The following PLA2G6 variants were observed in gnomAD, a reference collection of about 807,000 sequenced individuals.
PLA2G6 encodes 85/88 kDa calcium-independent phospholipase A2.
Under a neutral mutation model 83.8 loss-of-function variants are expected in PLA2G6, and 62 were observed. The ratio of observed to expected loss-of-function variants is 0.74; its 90% CI spans 0.60 to 0.91. The LOEUF is 0.91. Ranked by LOEUF, PLA2G6 falls within the 40% of genes least tolerant of loss-of-function variation. The probability of loss-of-function intolerance (pLI) is 0.00; values close to 1 mark genes in which losing one functional copy is unlikely to be tolerated. For missense variants in PLA2G6, 944 were observed against 1,102.0 expected (o/e 0.86, Z 2.03); for synonymous variants, 417 against 449.8 (o/e 0.93, Z 0.92).
intron 9 of PLA2G6, chr22:38,127,557 TC>T: frequency 2.6e-6 from 2 of 767,042 alleles, no homozygotes; most frequent in Non-Finnish European, 4.0e-6. Context: ...ACGGTGCCTC[TC>T]CAGAGTTCCA....
intron 3 of PLA2G6, chr22:38,143,579 G>A (rs112213962): frequency 1.3e-5 from 7 of 524,734 alleles, no homozygotes; most frequent in South Asian, 3.8e-5. Flanking sequence ...CACAGAACAC[G>A]GATATCTCAC....
intron 2 of PLA2G6, among the ~76,000 whole-genome samples, chr22:38,166,784 A>G (rs2090231747): frequency 6.6e-6 from 1 of 152,144 alleles, no homozygotes; most frequent in South Asian, 2.1e-4. Flanking sequence ...GCACAGAGAA[A>G]TGAATTGGGA....
chr22:38,178,673 T>G (rs914938724), intron 1 of PLA2G6, among the ~76,000 whole-genome samples: 1 of 152,294 alleles, frequency 6.6e-6, no homozygotes, highest in Admixed American at 6.5e-5. Flanking sequence ...AAGACCGGCC[T>G]GGCCAACATA....
intron 12 of PLA2G6, among the ~76,000 whole-genome samples, chr22:38,119,910 C>T (rs954084405): frequency 6.6e-6 from 1 of 151,566 alleles, no homozygotes; most frequent in African/African-American, 2.4e-5. Context: ...CCACCAAAAC[C>T]AAAACCAAAA....
chr22:38,127,098 AGC>A, intron 9 of PLA2G6: 2 of 1,105,806 alleles, frequency 1.8e-6, no homozygotes, highest in Non-Finnish European at 2.2e-6. Flanking sequence ...CCTGACAAGC[AGC>A]CCAGTCCCCA....
intron 2 of PLA2G6, among the ~76,000 whole-genome samples, chr22:38,167,290 C>T (rs132984): frequency 9.2e-5 from 14 of 151,720 alleles, no homozygotes; most frequent in African/African-American, 2.7e-4. Flanking sequence ...GAATAGCTTA[C>T]GTGTAGCTAA....
At chr22:38,154,719 T>C (rs1329539413) in intron 2 of PLA2G6, among the ~76,000 whole-genome samples, 3 of 152,158 alleles carry the variant, frequency 2.0e-5, no homozygotes, top group Non-Finnish European at 4.4e-5. Flanking sequence ...CTGACGAACA[T>C]CACAAGCATC....
intron 11 of PLA2G6, among the ~76,000 whole-genome samples, chr22:38,122,222 G>T (rs2235346): frequency 0.5 from 76,267 of 151,750 alleles, 19,458 homozygotes; most frequent in South Asian, 0.65. Flanking sequence ...AGTCCTCCCC[G>T]GGCACCTCCA....
rs11570748 is a variant in PLA2G6, at chr22:38,117,362, C to T, written c.1743-1151G>A. 7.7e-3 allele frequency among the ~76,000 whole-genome samples: 1,168 copies of T among 152,214 alleles called. 12 individuals are homozygous for T. Among genetic ancestry groups the T allele is most frequent in the South Asian group, 0.041 (198 of 4,816 alleles). ...AGCTGGGACTACAGGCGCCCGCCAC[C>T]ACGCCCGGCTAATTTTTTGTATTTT... is the stretch of plus-strand genomic sequence containing the variant. On this transcript the variant is annotated intron_variant, in intron 12 of 16. Coordinates refer to ENST00000332509, the MANE Select transcript of PLA2G6 (RefSeq NM_003560.4).
Position 38,135,104 on chromosome 22 carries a change from G to A in PLA2G6, c.798-20C>T, listed in dbSNP as rs752806771. On this transcript the variant is annotated intron_variant, in intron 5 of 16. Coordinates refer to ENST00000332509, the MANE Select transcript of PLA2G6 (RefSeq NM_003560.4). ...GCACACCTGGTGAGAGAGGGGCCCC[G>A]GTTGGTGAGCAGAAGCTAGGGTCTG... 27 of 1,584,264 alleles carry A rather than the reference G, an allele frequency of 1.7e-5. No homozygotes were observed. The highest frequency in any genetic ancestry group is 8.3e-5 in the Admixed American group (5 of 59,954).
chr22:38,179,519 C>T (rs1479874489), intron 1 of PLA2G6, among the ~76,000 whole-genome samples: 1 of 152,178 alleles, frequency 6.6e-6, no homozygotes, highest in Non-Finnish European at 1.5e-5. Context: ...CGCGGTGGCT[C>T]ACACCTGTAA....
chr22:38,168,803 T>A (rs1036962550), intron 2 of PLA2G6, among the ~76,000 whole-genome samples: 1 of 152,076 alleles, frequency 6.6e-6, no homozygotes, highest in African/African-American at 2.4e-5. Context: ...TGAGCCGAGA[T>A]TGCGCCACTG....
In PLA2G6 at chr22:38,170,172, TG is replaced by T. The variant is rs1168370440; in HGVS notation, c.-45-702del. Among the ~76,000 whole-genome samples, 4 of 134,652 alleles carry T rather than the reference TG, an allele frequency of 3.0e-5. No homozygotes were observed. In the East Asian group the frequency reaches 8.9e-4, roughly 30 times the overall value. 88.3% of individuals were successfully genotyped at this position (134,652 alleles called of 152,430 possible). On this transcript the variant is annotated intron_variant, in intron 1 of 16. Coordinates refer to ENST00000332509, the MANE Select transcript of PLA2G6 (RefSeq NM_003560.4). Reference sequence around the variant, plus strand: ...GAGATCGCGCCACTGCACTCCAGCCTGGGCGATAGGGTGACTCTGTCTCAAA... The same window carrying T: ...GAGATCGCGCCACTGCACTCCAGCCTGGCGATAGGGTGACTCTGTCTCAAA...
chr22:38,118,924 G>T (rs1046014093), intron 12 of PLA2G6, among the ~76,000 whole-genome samples: 1 of 151,562 alleles, frequency 6.6e-6, no homozygotes, highest in East Asian at 1.9e-4. Flanking sequence ...CCAGCTAATT[G>T]TTAGTTTTAA....
Position 38,142,495 on chromosome 22 carries a change from G to A in PLA2G6, c.609+610C>T, listed in dbSNP as rs544126977. The A allele has an allele frequency of 1.9e-5, 3 of 159,242 alleles. No individual in the cohort carries two copies. In the East Asian group the frequency reaches 5.5e-4, roughly 29 times the overall value. The allele number at this position is 159,242 out of a possible 1,614,324, so 9.9% of individuals were successfully genotyped here. A position where few individuals can be genotyped will look rare whatever the true frequency, so the allele number is the denominator to read the frequency against. ...ACAGGAACTGGAGACAGTTTGGTTT[G>A]CTTGGTTTGAATTCCTGTAAAATAG... On this transcript the variant is annotated intron_variant, in intron 4 of 16. Coordinates refer to ENST00000332509, the MANE Select transcript of PLA2G6 (RefSeq NM_003560.4).
At chr22:38,169,101 C>T in intron 2 of PLA2G6, 117 bp downstream of exon 2, 1 of 822,308 alleles carries the variant, frequency 1.2e-6, no homozygotes, top group East Asian at 2.7e-5. Context: ...TCTCCCACCC[C>T]TCTCCAGACC....
intron 3 of PLA2G6, 132 bp from the exon 4 acceptor site, chr22:38,143,420 C>T: frequency 1.2e-6 from 1 of 811,728 alleles, no homozygotes; most frequent in East Asian, 2.5e-5. Context: ...AAGAGCATTC[C>T]CGCCACTCAG....
chr22:38,169,879 C>G (rs2090368810), intron 1 of PLA2G6, among the ~76,000 whole-genome samples: 1 of 152,182 alleles, frequency 6.6e-6, no homozygotes, highest in African/African-American at 2.4e-5. Context: ...AAATAAGTTA[C>G]AGAGATAACC....
At chr22:38,181,204 G>A (rs891830949) in intron 1 of PLA2G6, among the ~76,000 whole-genome samples, 1 of 152,138 alleles carries the variant, frequency 6.6e-6, no homozygotes, top group Non-Finnish European at 1.5e-5. Context: ...GGGTGGCCAG[G>A]CTGAGGGGAA....
Sources: gnomAD v4.1 joint callset for allele counts (sites outside exome capture counted in the v4.1 genomes callset) on GRCh38, gnomAD v4.1.1 for gene constraint, MANE v1.5 for transcripts, NCBI Gene and HGNC (gene_info 2026-07-23, HGNC 2026-07-21) for gene names.